PDGFC: variants seen among roughly 807,000 people sequenced by gnomAD.
The protein encoded by PDGFC is platelet derived growth factor C.
Under a neutral mutation model 35.5 loss-of-function variants are expected in PDGFC, and 12 were observed. The ratio of observed to expected loss-of-function variants is 0.34; its 90% confidence interval spans 0.22 to 0.55. The LOEUF (loss-of-function observed/expected upper bound fraction) is 0.55. PDGFC is among the 20% of genes least tolerant of loss of function. The pLI, the probability that PDGFC is intolerant of heterozygous loss-of-function variation, is 0.91. For missense variants in PDGFC, 322 were observed against 412.4 expected (o/e 0.78, Z 1.90); for synonymous variants, 159 against 148.8 (o/e 1.07, Z -0.50).
chr4:156,924,277 T>G (rs925835035), intron 1 of PDGFC, among the ~76,000 whole-genome samples: 2 of 152,216 alleles, frequency 1.3e-5, no homozygotes, highest in Non-Finnish European at 1.5e-5. Flanking sequence ...CAGGTCCTTT[T>G]ATTCTGTGTA....
At chr4:156,818,800 C>T (rs1732167989) in intron 2 of PDGFC, among the ~76,000 whole-genome samples, 1 of 152,074 alleles carries the variant, frequency 6.6e-6, no homozygotes, top group Non-Finnish European at 1.5e-5. Flanking sequence ...CCGCACCTGG[C>T]CCACTCTTTC....
chr4:156,798,205 A>AACAAAACAAAAACAAAACAAC (rs1731502920), intron 3 of PDGFC, among the ~76,000 whole-genome samples: 1 of 152,140 alleles, frequency 6.6e-6, no homozygotes, highest in South Asian at 2.1e-4. Flanking sequence ...AACAAAACAA[A>AACAAAACAAAAACAAAACAAC]ACAAAACAAA....
At chr4:156,875,476 T>G (rs769194117) in intron 1 of PDGFC, among the ~76,000 whole-genome samples, 4 of 152,174 alleles carry the variant, frequency 2.6e-5, no homozygotes, top group Non-Finnish European at 4.4e-5. Context: ...ACATCTTATC[T>G]GCCAGTAAAA....
At chr4:156,776,447 T>C (rs1187013265) in intron 3 of PDGFC, among the ~76,000 whole-genome samples, 1 of 152,226 alleles carries the variant, frequency 6.6e-6, no homozygotes, top group African/African-American at 2.4e-5. Context: ...TTTCTTGGTG[T>C]TCTGCAATGT....
In PDGFC at chr4:156,830,865, G is replaced by A. The variant is rs573089859; in HGVS notation, c.314+19356C>T. ...TTGGCCCACTTCCACTTCTCCTTCA[G>A]ATTTCAGCTAAATATTACTCCTCAG... On this transcript the variant is annotated intron_variant, in intron 2 of 5. Transcript: ENST00000502773. 3.3e-5 allele frequency among the ~76,000 whole-genome samples: 5 copies of A among 152,244 alleles called. No homozygotes were observed. In the East Asian group the frequency reaches 9.7e-4, roughly 29 times the overall value.
chr4:156,814,758 TA>T (rs1732033770), intron 2 of PDGFC, among the ~76,000 whole-genome samples: 2 of 152,160 alleles, frequency 1.3e-5, no homozygotes, highest in African/African-American at 2.4e-5. Flanking sequence ...AAAAGTATTT[TA>T]AAAAGGGCTT....
chr4:156,940,279 G>C (rs1196461511), intron 1 of PDGFC, among the ~76,000 whole-genome samples: 1 of 151,958 alleles, frequency 6.6e-6, no homozygotes, highest in Non-Finnish European at 1.5e-5. Context: ...TTAATCCAGA[G>C]AGTTAAGCCA....
chr4:156,961,500 A>C (rs1309840268), intron 1 of PDGFC, among the ~76,000 whole-genome samples: 2 of 152,192 alleles, frequency 1.3e-5, no homozygotes, highest in Non-Finnish European at 2.9e-5. Context: ...TGCAAATAGC[A>C]GAGCTTCAAA....
In PDGFC at chr4:156,850,286, AT is replaced by A; in HGVS notation, c.248del (p.Asn83MetfsTer27). The A allele has an allele frequency of 6.2e-7, 1 of 1,610,382 alleles. No homozygotes were observed. Among genetic ancestry groups the A allele is most frequent in the South Asian group, 1.1e-5 (1 of 90,598 alleles). On this transcript the variant is annotated frameshift_variant, in exon 2 of 6. Transcript: ENST00000502773. LOFTEE classifies it high-confidence loss of function. ...CATCAAACGTAAGTTGTATCCATAC[AT>A]TTTCCTCTACTGCTACTAATCTCCA... ...LVWRLVAVEE[N>X]VWIQLTFDER...
At chr4:156,893,493 A>T (rs1488656139) in intron 1 of PDGFC, among the ~76,000 whole-genome samples, 1 of 151,660 alleles carries the variant, frequency 6.6e-6, no homozygotes, top group Non-Finnish European at 1.5e-5. Context: ...TAAGTTTTTT[A>T]TTTTATTTTA....
intron 1 of PDGFC, chr4:156,967,432 A>G (rs1416616533): frequency 6.6e-6 from 1 of 152,312 alleles, no homozygotes; most frequent in Middle Eastern, 3.4e-3. Flanking sequence ...GAAAAAGAAC[A>G]CATACAATAA....
At chr4:156,901,844 TCAA>T (rs1730794937) in intron 1 of PDGFC, among the ~76,000 whole-genome samples, 2 of 152,080 alleles carry the variant, frequency 1.3e-5, no homozygotes, top group Non-Finnish European at 2.9e-5. Context: ...ACTCCTTGCC[TCAA>T]GTGATCTGCC....
chr4:156,958,913 T>C (rs1302325994), intron 1 of PDGFC, among the ~76,000 whole-genome samples: 3 of 152,198 alleles, frequency 2.0e-5, no homozygotes, highest in African/African-American at 7.2e-5. Flanking sequence ...GCAGTTTTAT[T>C]ACAAGACTGG....
At chr4:156,928,605 G>A (rs1731474271) in intron 1 of PDGFC, among the ~76,000 whole-genome samples, 1 of 152,182 alleles carries the variant, frequency 6.6e-6, no homozygotes, top group South Asian at 2.1e-4. Flanking sequence ...AAGATGCATA[G>A]ATTGCAAAGA....
At chr4:156,873,517 T>A (rs960804096) in intron 1 of PDGFC, among the ~76,000 whole-genome samples, 1 of 152,228 alleles carries the variant, frequency 6.6e-6, no homozygotes, top group African/African-American at 2.4e-5. Context: ...TCAGTATACA[T>A]AAATCGCATT....
Position 156,810,822 on chromosome 4 carries a change from G to C in PDGFC, c.495+15C>G. The C allele has an allele frequency of 6.6e-7, 1 of 1,516,424 alleles. No homozygotes were observed. The highest frequency in any genetic ancestry group is 9.0e-7 in the Non-Finnish European group (1 of 1,108,472). The allele number at this position is 1,516,424 out of a possible 1,614,324, so 93.9% of individuals were successfully genotyped here. A position where few individuals can be genotyped will look rare whatever the true frequency, so the allele number is the denominator to read the frequency against. On this transcript the variant is annotated intron_variant, in intron 3 of 5. Coordinates refer to ENST00000502773, the MANE Select transcript of PDGFC (RefSeq NM_016205.3). Reference sequence around the variant, plus strand: ...CTGATCCAATTAAATAAGGGGATCTGAAAGTGGTACTTACTGGCATGACAA... The same window carrying C: ...CTGATCCAATTAAATAAGGGGATCTCAAAGTGGTACTTACTGGCATGACAA...
At chr4:156,764,515 T>C (rs1479678244) in intron 5 of PDGFC, among the ~76,000 whole-genome samples, 1 of 152,186 alleles carries the variant, frequency 6.6e-6, no homozygotes, top group African/African-American at 2.4e-5. Context: ...GAGAGATAGA[T>C]AATAATTTTA....
At chr4:156,827,220 A>G (rs1366167775) in intron 2 of PDGFC, among the ~76,000 whole-genome samples, 4 of 152,132 alleles carry the variant, frequency 2.6e-5, no homozygotes, top group African/African-American at 7.2e-5. Flanking sequence ...GATTGAGACC[A>G]TCCTGGCTAA....
intron 1 of PDGFC, among the ~76,000 whole-genome samples, chr4:156,887,240 A>G (rs943965050): frequency 6.6e-6 from 1 of 152,176 alleles, no homozygotes; most frequent in African/African-American, 2.4e-5. Flanking sequence ...TACATTAACA[A>G]ATAATTTATA....
Sources: gnomAD v4.1 joint callset for allele counts (sites outside exome capture counted in the v4.1 genomes callset) on GRCh38, gnomAD v4.1.1 for gene constraint, MANE v1.5 for transcripts, NCBI Gene and HGNC (gene_info 2026-07-23, HGNC 2026-07-21) for gene names.